Variants in PRKCE observed in about 807,000 individuals in gnomAD.
PRKCE encodes the protein protein kinase C epsilon type.
Under a neutral mutation model 85.4 loss-of-function variants are expected in PRKCE, and 16 were observed. The ratio of observed to expected loss-of-function variants is 0.19; its 90% confidence interval spans 0.13 to 0.28. The LOEUF (loss-of-function observed/expected upper bound fraction) is 0.28. Among genes scored for constraint, PRKCE ranks in the 10% least tolerant of loss-of-function variants. The pLI, the probability that PRKCE is intolerant of heterozygous loss-of-function variation, is 1.00. For missense variants in PRKCE, 573 were observed against 975.2 expected (o/e 0.59, Z 5.49); for synonymous variants, 388 against 371.5 (o/e 1.04, Z -0.51).
At chr2:45,939,460 T>C (rs546819725) in intron 2 of PRKCE, among the ~76,000 whole-genome samples, 5 of 152,208 alleles carry the variant, frequency 3.3e-5, no homozygotes, top group Admixed American at 6.5e-5. Flanking sequence ...GGCACCTTCC[T>C]TTGTCGAGGT....
chr2:45,936,534 G>C (rs1194846952), intron 2 of PRKCE, among the ~76,000 whole-genome samples: 2 of 152,096 alleles, frequency 1.3e-5, no homozygotes, highest in African/African-American at 4.8e-5. Flanking sequence ...GCCAGCGGGA[G>C]GCCCGACATC....
chr2:45,982,549 T>C (rs948197144), intron 5 of PRKCE, among the ~76,000 whole-genome samples: 2 of 151,726 alleles, frequency 1.3e-5, no homozygotes, highest in East Asian at 3.9e-4. Flanking sequence ...TGGTGTCACA[T>C]TTTTTTTTCT....
chr2:46,157,407 C>G (rs1216552869), intron 13 of PRKCE, among the ~76,000 whole-genome samples: 2 of 152,256 alleles, frequency 1.3e-5, no homozygotes, highest in East Asian at 3.9e-4. Context: ...TTGTCCTGTT[C>G]CCTTAGACAT....
rs1696924611 is a variant in PRKCE at position 45,905,767 on chromosome 2, TA to T, written c.412+62705del. Among the ~76,000 whole-genome samples, 1 of 152,232 alleles carries T rather than the reference TA, an allele frequency of 6.6e-6. No homozygotes were observed. The highest frequency in any genetic ancestry group is 2.4e-5 in the African/African-American group (1 of 41,464). ...TAAATGGAGACCGGCCCATGCTCTT[TA>T]TAGTCCCTGAACACACGTGTTGACC... On this transcript the variant is annotated intron_variant, in intron 2 of 14. Coordinates refer to ENST00000306156, the MANE Select transcript of PRKCE (RefSeq NM_005400.3). This position sits in a 1 kb window ranked among gnomAD's most constrained non-coding sequence, Gnocchi z 4.4.
At chr2:45,769,291 C>T (rs1312017101) in intron 1 of PRKCE, among the ~76,000 whole-genome samples, 3 of 152,086 alleles carry the variant, frequency 2.0e-5, no homozygotes, top group Admixed American at 1.3e-4. Context: ...TTTTTTTCTC[C>T]TTCCTCCCCA....
chr2:46,070,451 G>A (rs1004395566), intron 10 of PRKCE, among the ~76,000 whole-genome samples: 1 of 152,154 alleles, frequency 6.6e-6, no homozygotes, highest in Non-Finnish European at 1.5e-5. Context: ...AGACCATCCT[G>A]GCCAACATGG....
chr2:46,117,631 C>T (rs1672906393), intron 11 of PRKCE, among the ~76,000 whole-genome samples: 4 of 152,178 alleles, frequency 2.6e-5, no homozygotes, highest in Admixed American at 2.0e-4. Context: ...GGTCCTAAGC[C>T]AGTTCTTTTT....
At chr2:45,923,234 T>C (rs985734845) in intron 2 of PRKCE, among the ~76,000 whole-genome samples, 2 of 152,142 alleles carry the variant, frequency 1.3e-5, no homozygotes, top group African/African-American at 4.8e-5. Flanking sequence ...AATACAGAAA[T>C]TGTAAGTCCC....
At chr2:45,912,783 G>C (rs760683437) in intron 2 of PRKCE, among the ~76,000 whole-genome samples, 3 of 152,118 alleles carry the variant, frequency 2.0e-5, no homozygotes, top group Non-Finnish European at 2.9e-5. Flanking sequence ...TCTGTCATTT[G>C]GAAATGACAA....
chr2:45,656,177 C>T (rs564730906), intron 1 of PRKCE, among the ~76,000 whole-genome samples: 46 of 152,282 alleles, frequency 3.0e-4, no homozygotes, highest in African/African-American at 1.1e-3. Context: ...TTATTTTCCA[C>T]GTAGTCTTTT....
At chr2:45,795,403 G>A (rs940224545) in intron 1 of PRKCE, among the ~76,000 whole-genome samples, 1 of 152,076 alleles carries the variant, frequency 6.6e-6, no homozygotes, top group Non-Finnish European at 1.5e-5. Flanking sequence ...CCGCCTCCCG[G>A]GTTCAAGTGA....
At chr2:45,712,785 T>G (rs1196508812) in intron 1 of PRKCE, among the ~76,000 whole-genome samples, 1 of 152,144 alleles carries the variant, frequency 6.6e-6, no homozygotes, top group Non-Finnish European at 1.5e-5. Flanking sequence ...GGCTCCAGTG[T>G]TCTATTGCAT....
rs979485067 is a variant in PRKCE, at chr2:46,068,434, T to C, written c.1438-17774T>C. The stretch of plus-strand genomic sequence containing the variant: ...GATATTAAATATATTAATTGATATA[T>C]CTAATTAATCAGTCATTATTTATTG... On this transcript the variant is annotated intron_variant, in intron 10 of 14. Transcript: ENST00000306156. This position sits in a 1 kb window ranked among gnomAD's most constrained non-coding sequence, Gnocchi z 4.3. Among the ~76,000 whole-genome samples, 1 of 152,192 alleles carries C rather than the reference T, an allele frequency of 6.6e-6. No homozygotes were observed. The highest frequency in any genetic ancestry group is 2.4e-5 in the African/African-American group (1 of 41,440).
At chr2:45,875,420 C>T (rs1032108423) in intron 2 of PRKCE, among the ~76,000 whole-genome samples, 1 of 152,226 alleles carries the variant, frequency 6.6e-6, no homozygotes, top group African/African-American at 2.4e-5. Context: ...TCTGGTGTCA[C>T]ATGCTAAGGA....
intron 1 of PRKCE, among the ~76,000 whole-genome samples, chr2:45,779,215 C>T (rs1055716997): frequency 6.6e-6 from 1 of 152,180 alleles, no homozygotes; most frequent in Admixed American, 6.6e-5. Context: ...ATGCGCTGTC[C>T]AGACACAGTG....
chr2:45,976,385 C>G lies in PRKCE; in HGVS notation c.413-44C>G, dbSNP rs777929260. On this transcript the variant is annotated intron_variant, in intron 2 of 14. Coordinates refer to ENST00000306156, the MANE Select transcript of PRKCE (RefSeq NM_005400.3). ...AGAGGGAGCTCATTTTGAAGGTGCA[C>G]TAACCCAGACTCCGTTTTCTTCCCT... The G allele has an allele frequency of 3.8e-6, 6 of 1,583,920 alleles. No homozygotes were observed. The Admixed American group carries it at 8.4e-5, about 22-fold the overall frequency.
At chr2:45,832,896 A>G (rs1450215027) in intron 1 of PRKCE, among the ~76,000 whole-genome samples, 1 of 152,226 alleles carries the variant, frequency 6.6e-6, no homozygotes, top group African/African-American at 2.4e-5. Context: ...TAGGTAACAC[A>G]TGTAGAGTAT....
At chr2:45,653,367 GTTGTTTTTTTT>G (rs1054736572) in intron 1 of PRKCE, among the ~76,000 whole-genome samples, 2 of 48,450 alleles carry the variant, frequency 4.1e-5, no homozygotes, top group African/African-American at 1.4e-4. Context: ...TTGTTTTTGG[GTTGTTTTTTTT>G]TTTTTTTTTT....
intron 1 of PRKCE, among the ~76,000 whole-genome samples, chr2:45,749,602 G>A (rs890328099): frequency 2.0e-5 from 3 of 152,220 alleles, no homozygotes; most frequent in African/African-American, 7.2e-5. Context: ...TGATTTTAAT[G>A]TTATAGCACA....
Sources: allele counts gnomAD v4.1 joint callset (sites outside exome capture counted in the v4.1 genomes callset), GRCh38; gene constraint gnomAD v4.1.1; non-coding constraint Gnocchi (gnomAD v3.1); transcripts MANE v1.5; gene names NCBI Gene and HGNC (gene_info 2026-07-23, HGNC 2026-07-21).